The following SPAG1 variants were observed in gnomAD, a reference collection of about 807,000 sequenced individuals.
The protein encoded by SPAG1 is sperm-associated antigen 1.
Under a neutral mutation model 100.5 loss-of-function variants are expected in SPAG1, and 69 were observed. That is an observed-to-expected ratio of 0.69 (90% CI 0.57 to 0.84). The LOEUF is 0.84. SPAG1 is among the 40% of genes least tolerant of loss of function. The pLI is 0.00. For missense variants in SPAG1, 955 were observed against 1,133.1 expected, an observed-to-expected ratio of 0.84 and a Z score of 2.26; for synonymous variants, 336 against 411.6, an observed-to-expected ratio of 0.82 and a Z score of 2.22.
intron 17 of SPAG1, among the ~76,000 whole-genome samples, chr8:100,240,160 G>A (rs1426632432): frequency 6.6e-6 from 1 of 152,142 alleles, no homozygotes; most frequent in Non-Finnish European, 1.5e-5. Flanking sequence ...ATTGTATAAA[G>A]TCTAAAAATT....
intron 10 of SPAG1, among the ~76,000 whole-genome samples, chr8:100,211,885 G>A (rs1817732144): frequency 6.6e-6 from 1 of 152,180 alleles, no homozygotes; most frequent in Admixed American, 6.5e-5. Context: ...ACTGTGCAAA[G>A]GGGTGGAAAG....
chr8:100,206,137 G>A (rs1817508499), intron 10 of SPAG1, among the ~76,000 whole-genome samples: 1 of 150,964 alleles, frequency 6.6e-6, no homozygotes, highest in South Asian at 2.1e-4. Context: ...ATGGATCTTG[G>A]AGCATAACAG....
intron 10 of SPAG1, among the ~76,000 whole-genome samples, chr8:100,197,013 C>T (rs987908345): frequency 2.0e-5 from 3 of 152,006 alleles, no homozygotes; most frequent in African/African-American, 4.8e-5. Flanking sequence ...CTCAGGCTCC[C>T]GAGTAAATGG....
intron 7 of SPAG1, 33 bp from the exon 8 acceptor site, chr8:100,187,087 C>A: frequency 6.3e-7 from 1 of 1,589,490 alleles, no homozygotes. Context: ...TTACCTTAGG[C>A]TTGCTTGTTG....
chr8:100,172,337 G>C (rs1266658845), intron 3 of SPAG1, among the ~76,000 whole-genome samples: 1 of 152,018 alleles, frequency 6.6e-6, no homozygotes. Flanking sequence ...TTATTTTTGG[G>C]CTGGGCACGA....
intron 9 of SPAG1, among the ~76,000 whole-genome samples, chr8:100,192,450 C>T (rs891067556): frequency 1.3e-5 from 2 of 152,210 alleles, no homozygotes; most frequent in African/African-American, 4.8e-5. Context: ...CTCTCCGCTG[C>T]AGATGAATAC....
At chr8:100,219,149 A>G (rs1818146040) in intron 12 of SPAG1, among the ~76,000 whole-genome samples, 1 of 152,250 alleles carries the variant, frequency 6.6e-6, no homozygotes, top group Non-Finnish European at 1.5e-5. Context: ...TGACTAGCAC[A>G]TAGCAGATAC....
chr8:100,209,204 G>T (rs1817621900), intron 10 of SPAG1, among the ~76,000 whole-genome samples: 1 of 151,998 alleles, frequency 6.6e-6, no homozygotes, highest in Admixed American at 6.6e-5. Context: ...TCATTGTTGA[G>T]ACTTGGACTG....
At chr8:100,217,317 G>A (rs774246089) in intron 12 of SPAG1, among the ~76,000 whole-genome samples, 4 of 152,170 alleles carry the variant, frequency 2.6e-5, no homozygotes, top group South Asian at 2.1e-4. Context: ...TTTAAAATAA[G>A]AGGAGAAAAT....
chr8:100,220,454 C>T (rs371402987), intron 13 of SPAG1, 23 bp downstream of exon 13: 10 of 1,595,264 alleles, frequency 6.3e-6, no homozygotes, highest in African/African-American at 4.1e-5. Flanking sequence ...AGGCAGCTAC[C>T]TAAAATCTAG....
chr8:100,181,417 C>T (rs908170021), intron 4 of SPAG1, among the ~76,000 whole-genome samples: 10 of 152,320 alleles, frequency 6.6e-5, no homozygotes, highest in African/African-American at 2.4e-4. Context: ...TTAAATACCC[C>T]TGATTTTGAA....
At position 100,180,789 on chromosome 8, in the gene SPAG1, T is replaced by C. The variant is rs577646242; in HGVS notation, c.427-2586T>C. ...GCACTAGTGACTGTATTTAAGTCTG[T>C]TGGGGCCTAGTGCAGGAGCTTAGTC... is the stretch of plus-strand genomic sequence containing the variant. On this transcript the variant is annotated intron_variant, in intron 4 of 18. Transcript: ENST00000388798. Among the ~76,000 whole-genome samples, 18 of 152,362 alleles carry C rather than the reference T, an allele frequency of 1.2e-4. No individual in the cohort carries two copies. In the South Asian group the frequency reaches 3.5e-3, roughly 30 times the overall value.
At chr8:100,215,431 A>G (rs1817935823) in intron 12 of SPAG1, among the ~76,000 whole-genome samples, 1 of 152,250 alleles carries the variant, frequency 6.6e-6, no homozygotes, top group African/African-American at 2.4e-5. Flanking sequence ...GTTGTCTCAT[A>G]TAACACTCTC....
chr8:100,177,997 T>G, intron 4 of SPAG1, 56 bp downstream of exon 4: 1 of 1,491,604 alleles, frequency 6.7e-7, no homozygotes, highest in Non-Finnish European at 9.2e-7. Context: ...CTGCTGTTTA[T>G]TAAGGGGCAA....
chr8:100,209,268 T>C (rs1192561923), intron 10 of SPAG1, among the ~76,000 whole-genome samples: 2 of 151,428 alleles, frequency 1.3e-5, no homozygotes, highest in Middle Eastern at 3.5e-3. Flanking sequence ...CTTGTGATCA[T>C]GTAAGTTAAT....
In SPAG1 at chr8:100,225,177, T is replaced by C; in HGVS notation, c.1693T>C (p.Ser565Pro). ...GAAAATTCACTTTCTCTTTAGGCTA[T>C]CAAGAATTTTAATGGAGCTGGATGG... ...QLANDSVNRL[S>P]RILMELDGPN... The change falls in exon 14 of 19, where the codon TCA becomes CCA. Residue 565 changes from serine (S) to proline (P), a missense_variant. Ser to Pro is a moderately conservative substitution (Grantham distance 74). Coordinates refer to ENST00000388798, the MANE Select transcript of SPAG1 (RefSeq NM_003114.5). 1 of 1,609,104 alleles carries C rather than the reference T, an allele frequency of 6.2e-7. No homozygotes were observed.
Position 100,240,972 on chromosome 8 carries a change from C to T in SPAG1, c.2731C>T (p.His911Tyr). 1 of 1,612,960 alleles carries T rather than the reference C, an allele frequency of 6.2e-7. No homozygotes were observed. The highest frequency in any genetic ancestry group is 8.5e-7 in the Non-Finnish European group (1 of 1,179,566). The change falls in exon 19 of 19, where the codon CAT becomes TAT. Residue 911 changes from histidine (H) to tyrosine (Y), a missense_variant. Coordinates refer to ENST00000388798, the MANE Select transcript of SPAG1 (RefSeq NM_003114.5). ...FEDLSDTPNN[H>Y]FTLEDIQALK... is the part of the protein sequence containing the mutation. ...GGACCTTTCGGACACACCAAACAAC[C>T]ATTTTACTTTAGAAGATATACAGGC...
intron 10 of SPAG1, among the ~76,000 whole-genome samples, chr8:100,211,396 C>A (rs568038244): frequency 2.0e-5 from 3 of 152,314 alleles, no homozygotes; most frequent in African/African-American, 7.2e-5. Flanking sequence ...TGGCTCATGC[C>A]TGCAATCCCA....
Position 100,183,447 on chromosome 8 carries a change from CAT to C in SPAG1, c.488+12_488+13del. The C allele has an allele frequency of 7.2e-7, 1 of 1,383,630 alleles. No individual in the cohort carries two copies. The allele number at this position is 1,383,630 out of a possible 1,614,324, so 85.7% of individuals were successfully genotyped here. ...CGCGGAATGGGATAAGTATGTTTTA[CAT>C]GTCTTTATATAAAATGTATCACTAA... On this transcript the variant is annotated intron_variant, in intron 5 of 18. Coordinates refer to ENST00000388798, the MANE Select transcript of SPAG1 (RefSeq NM_003114.5).
Sources: gnomAD v4.1 joint callset for allele counts (sites outside exome capture counted in the v4.1 genomes callset) on GRCh38, gnomAD v4.1.1 for gene constraint, MANE v1.5 for transcripts, NCBI Gene and HGNC (gene_info 2026-07-23, HGNC 2026-07-21) for gene names.